UNG: variants seen among roughly 807,000 people sequenced by gnomAD.
The protein encoded by UNG is uracil-DNA glycosylase.
Under a neutral mutation model 36.5 loss-of-function variants are expected in UNG, and 34 were observed. The ratio of observed to expected loss-of-function variants is 0.93; its 90% CI spans 0.71 to 1.24. UNG has a LOEUF of 1.24. UNG is among the 50% of genes most tolerant of loss of function. The pLI is 0.00. For missense variants in UNG, 391 were observed against 397.6 expected (o/e 0.98, Z 0.14); for synonymous variants, 172 against 157.8 (o/e 1.09, Z -0.67).
Position 109,110,002 on chromosome 12 carries a change from C to T in UNG, c.*33C>T. 1 of 1,613,878 alleles carries T rather than the reference C, an allele frequency of 6.2e-7. No homozygotes were observed. The stretch of plus-strand genomic sequence containing the variant: ...CTGAGGGGTGGCCTTTGAGAAGCTG[C>T]TGTTAACGTATTTGCCAGTTACGAA... On this transcript the variant is annotated 3_prime_UTR_variant, in exon 7 of 7. Transcript: ENST00000242576.
At chr12:109,102,728 C>A in intron 4 of UNG, 111 bp from the exon 5 acceptor site, 1 of 860,836 alleles carries the variant, frequency 1.2e-6, no homozygotes, top group Non-Finnish European at 1.9e-6. Context: ...AGTGTCCCTT[C>A]CAAGGGCTGG....
intron 6 of UNG, among the ~76,000 whole-genome samples, chr12:109,105,634 C>G (rs1232467322): frequency 6.6e-6 from 1 of 152,216 alleles, no homozygotes. Flanking sequence ...TCTGCACTCC[C>G]TAGCAGCAAA....
intron 1 of UNG, 114 bp from the exon 2 acceptor site, chr12:109,098,318 G>A (rs2135881936): frequency 6.3e-7 from 1 of 1,597,454 alleles, no homozygotes; most frequent in Non-Finnish European, 8.5e-7. Flanking sequence ...GCTGGGACCT[G>A]TTCCACAAAT....
chr12:109,106,917 G>GTATATATATATATACGTATATATATA (rs1473302640), intron 6 of UNG, among the ~76,000 whole-genome samples: 1 of 2,556 alleles, frequency 3.9e-4, no homozygotes, highest in African/African-American at 2.1e-3. Flanking sequence ...ATATATATAT[G>GTATATATATATATACGTATATATATA]TGTATATATA....
Position 109,105,411 on chromosome 12 carries a change from G to A in UNG, c.801+1800G>A, listed in dbSNP as rs138123566. ...GGTTTACGGCCAGTGTTGCTCTTCC[G>A]CAGTATATTGGTAATCTTTAATCAT... On this transcript the variant is annotated intron_variant, in intron 6 of 6. Coordinates refer to ENST00000242576, the MANE Select transcript of UNG (RefSeq NM_080911.3). 9.2e-3 allele frequency among the ~76,000 whole-genome samples: 1,408 copies of A among 152,256 alleles called. 25 individuals carry two copies. The highest frequency in any genetic ancestry group is 0.031 in the African/African-American group (1,276 of 41,532).
intron 2 of UNG, 50 bp from the exon 3 acceptor site, chr12:109,099,139 A>G: frequency 6.6e-7 from 1 of 1,524,246 alleles, no homozygotes; most frequent in South Asian, 1.1e-5. Flanking sequence ...TTGAATTCTT[A>G]TGGTTTCCAA....
intron 6 of UNG, among the ~76,000 whole-genome samples, chr12:109,108,253 AG>A: frequency 1.3e-5 from 2 of 152,270 alleles, no homozygotes; most frequent in Middle Eastern, 3.4e-3. Flanking sequence ...TGGCTTATGA[AG>A]TTTGACCTGA....
chr12:109,098,253 C>T, intron 1 of UNG, 179 bp from the exon 2 acceptor site: 1 of 1,514,742 alleles, frequency 6.6e-7, no homozygotes, highest in Non-Finnish European at 8.8e-7. Context: ...CAGTTTAGAA[C>T]CTAATTCCCA....
intron 6 of UNG, among the ~76,000 whole-genome samples, chr12:109,104,009 T>C (rs2042198421): frequency 1.3e-5 from 2 of 152,128 alleles, no homozygotes; most frequent in Admixed American, 6.5e-5. Flanking sequence ...CAAATTTAAC[T>C]TGCCCATGAA....
intron 6 of UNG, among the ~76,000 whole-genome samples, chr12:109,109,033 G>A (rs1409207080): frequency 2.0e-5 from 3 of 152,190 alleles, no homozygotes; most frequent in African/African-American, 7.2e-5. Flanking sequence ...GTAGGCTAAT[G>A]TAGGTGTTCT....
chr12:109,106,504 T>G (rs1328692996), intron 6 of UNG, among the ~76,000 whole-genome samples: 8 of 152,096 alleles, frequency 5.3e-5, no homozygotes. Context: ...ATCTCCCTGT[T>G]AAAATAACTA....
At position 109,101,953 on chromosome 12, in the gene UNG, C is replaced by G. The variant is rs1188727621; in HGVS notation, c.487C>G (p.His163Asp). The change falls in exon 4 of 7, where the codon CAC (histidine) becomes GAC (aspartate). Residue 163 changes from histidine to aspartate, a missense_variant. Coordinates refer to ENST00000242576, the MANE Select transcript of UNG (RefSeq NM_080911.3). ...QDPYHGPNQA[H>D]GLCFSVQRPV... The stretch of plus-strand genomic sequence containing the variant: ...TCCATATCATGGACCTAATCAAGCT[C>G]ACGGGCTCTGCTTTAGTGTTCAAAG... 3.1e-6 allele frequency: 5 copies of G among 1,613,976 alleles called. No homozygotes were observed. In the Admixed American group the frequency reaches 8.3e-5, roughly 27 times the overall value.
At chr12:109,105,194 G>A (rs544784388) in intron 6 of UNG, 17 of 152,342 alleles carry the variant, frequency 1.1e-4, no homozygotes, top group African/African-American at 3.6e-4. Flanking sequence ...GATTACAGAT[G>A]TAAGCCACCG....
chr12:109,098,951 C>T (rs902145858), intron 2 of UNG, among the ~76,000 whole-genome samples: 1 of 152,128 alleles, frequency 6.6e-6, no homozygotes, highest in Non-Finnish European at 1.5e-5. Context: ...TTTAAAAAGC[C>T]GAGAGGAGTG....
chr12:109,108,313 CGTT>C (rs1467408928), intron 6 of UNG, among the ~76,000 whole-genome samples: 2 of 152,196 alleles, frequency 1.3e-5, no homozygotes, highest in South Asian at 2.1e-4. Flanking sequence ...AGCACTCACA[CGTT>C]GTTTTTTTTT....
intron 6 of UNG, 97 bp from the exon 7 acceptor site, chr12:109,109,732 G>A (rs1414269310): frequency 6.1e-6 from 9 of 1,478,250 alleles, no homozygotes; most frequent in South Asian, 5.9e-5. Context: ...GCAGTGAGTC[G>A]AGATCACGCC....
At chr12:109,109,323 G>A (rs2042241972) in intron 6 of UNG, among the ~76,000 whole-genome samples, 1 of 152,114 alleles carries the variant, frequency 6.6e-6, no homozygotes, top group African/African-American at 2.4e-5. Context: ...GGTGCTCTTT[G>A]CATCTCAGAG....
chr12:109,098,657 C>T lies in UNG; in HGVS notation c.339+19C>T, dbSNP rs771244571. 7 of 1,612,946 alleles carry T rather than the reference C, an allele frequency of 4.3e-6. No homozygotes were observed. Among genetic ancestry groups the T allele is most frequent in the South Asian group, 1.1e-5 (1 of 91,014 alleles). On this transcript the variant is annotated intron_variant, in intron 2 of 6. Transcript: ENST00000242576. The stretch of plus-strand genomic sequence containing the variant: ...TATCAAGGTAAATATGGAAATGCAC[C>T]TTCCATAAGGGTAAATGTGGAGGCT...
Position 109,110,051 on chromosome 12 carries a change from A to C in UNG, c.*82A>C. On this transcript the variant is annotated 3_prime_UTR_variant, in exon 7 of 7. Transcript: ENST00000242576. Reference sequence around the variant, plus strand: ...AAGTTCCACTGAAAATTTTCCTATTAATTCTTAAGTACTCTGCATAAGGGG... The same window carrying C: ...AAGTTCCACTGAAAATTTTCCTATTCATTCTTAAGTACTCTGCATAAGGGG... 1 of 1,595,298 alleles carries C rather than the reference A, an allele frequency of 6.3e-7. No homozygotes were observed. Among genetic ancestry groups the C allele is most frequent in the South Asian group, 1.1e-5 (1 of 90,232 alleles).
Sources: allele counts gnomAD v4.1 joint callset (sites outside exome capture counted in the v4.1 genomes callset), GRCh38; gene constraint gnomAD v4.1.1; transcripts MANE v1.5; gene names NCBI Gene and HGNC (gene_info 2026-07-23, HGNC 2026-07-21).